Variants in AGK observed in about 807,000 individuals in gnomAD.
AGK encodes the protein acylglycerol kinase, also known as acylglycerol kinase, mitochondrial.
A neutral mutation model predicts 66.4 loss-of-function variants in AGK; 52 were observed. That is an observed-to-expected ratio of 0.78 (90% CI 0.63 to 0.99). The LOEUF is 0.99. AGK is among the 50% of genes least tolerant of loss of function. AGK has a pLI of 0.00. For missense variants in AGK, 451 were observed against 506.6 expected (o/e 0.89, Z 1.05); for synonymous variants, 182 against 181.1 (o/e 1.00, Z -0.04).
In AGK at chr7:141,593,161, G is replaced by A; in HGVS notation, c.117G>A (p.Arg39=). 1 of 1,612,006 alleles carries A rather than the reference G, an allele frequency of 6.2e-7. No homozygotes were observed. The highest frequency in any genetic ancestry group is 8.5e-7 in the Non-Finnish European group (1 of 1,179,636). Residue 39 remains arginine, a synonymous_variant, in exon 3 of 16, where the codon AGG becomes AGA. Transcript: ENST00000649286. ...LYGKHCDNLL[R]RAACQEAQVF... ...ACTTTGATAGTGATAACCTCCTAAG[G>A]AGAGCAGCCTGTCAAGAAGCTCAGG... is the stretch of plus-strand genomic sequence containing the variant.
At chr7:141,561,075 G>A (rs921838067) in intron 2 of AGK, among the ~76,000 whole-genome samples, 5 of 152,198 alleles carry the variant, frequency 3.3e-5, no homozygotes, top group Non-Finnish European at 7.3e-5. Flanking sequence ...TTACAGGCGT[G>A]AGCCACCGCG....
At chr7:141,592,850 C>A (rs903070526) in intron 2 of AGK, among the ~76,000 whole-genome samples, 1 of 151,916 alleles carries the variant, frequency 6.6e-6, no homozygotes, top group Non-Finnish European at 1.5e-5. Flanking sequence ...ATTACAGGCA[C>A]CCACCACCAT....
At chr7:141,569,413 A>C (rs1470844160) in intron 2 of AGK, among the ~76,000 whole-genome samples, 1 of 152,142 alleles carries the variant, frequency 6.6e-6, no homozygotes, top group Non-Finnish European at 1.5e-5. Context: ...GTGCGCCTGT[A>C]GTCCCAGCTA....
chr7:141,600,317 A>G (rs1312460198), intron 4 of AGK, among the ~76,000 whole-genome samples: 4 of 152,106 alleles, frequency 2.6e-5, no homozygotes, highest in Admixed American at 2.0e-4. Flanking sequence ...GGTGGAAGAG[A>G]TTGTTTTGCA....
intron 5 of AGK, among the ~76,000 whole-genome samples, chr7:141,609,568 G>A (rs1209932214): frequency 6.6e-6 from 1 of 152,238 alleles, no homozygotes; most frequent in African/African-American, 2.4e-5. Flanking sequence ...ACACTTCAGT[G>A]TTGAGGTATT....
intron 2 of AGK, among the ~76,000 whole-genome samples, chr7:141,591,920 T>C (rs1274914169): frequency 6.6e-6 from 1 of 152,242 alleles, no homozygotes; most frequent in Non-Finnish European, 1.5e-5. Flanking sequence ...AAATAGGTGA[T>C]CACATTCTGA....
intron 2 of AGK, among the ~76,000 whole-genome samples, chr7:141,592,217 A>G (rs887973830): frequency 4.6e-5 from 7 of 152,188 alleles, no homozygotes; most frequent in Admixed American, 4.6e-4. Flanking sequence ...TAGAGGCCCA[A>G]AGCAGCTCTC....
rs1796265668 is a variant in AGK at position 141,598,048 on chromosome 7, A to ATGTT, written c.221+1408_221+1411dup. 6.6e-6 allele frequency among the ~76,000 whole-genome samples: 1 copy of ATGTT among 152,128 alleles called. No homozygotes were observed. The highest frequency in any genetic ancestry group is 2.1e-4 in the South Asian group (1 of 4,814). ...GGCTGAATTGTAAGTGGTAGGCATA[A>ATGTT]TGTTGTCTGGAGTAAAACACAGGGT... On this transcript the variant is annotated intron_variant, in intron 4 of 15. Coordinates refer to ENST00000649286, the MANE Select transcript of AGK (RefSeq NM_018238.4). The surrounding 1 kb of genome is among the most constrained non-coding windows in gnomAD (Gnocchi z 4.2).
At chr7:141,643,745 A>T (rs1488537598) in intron 13 of AGK, among the ~76,000 whole-genome samples, 1 of 152,188 alleles carries the variant, frequency 6.6e-6, no homozygotes, top group Non-Finnish European at 1.5e-5. Flanking sequence ...TAATCCTTAT[A>T]GGTAGATATC....
chr7:141,595,033 T>A lies in AGK; in HGVS notation c.142-1529T>A, dbSNP rs115990066. Reference sequence around the variant, plus strand: ...ACAAATGGAAGTGGATCTGTCCTTATAGCCTCAGCTGGCTAATTTTCCTAT... The same window carrying A: ...ACAAATGGAAGTGGATCTGTCCTTAAAGCCTCAGCTGGCTAATTTTCCTAT... On this transcript the variant is annotated intron_variant, in intron 3 of 15. Transcript: ENST00000649286. 4.4e-3 allele frequency among the ~76,000 whole-genome samples: 675 copies of A among 152,356 alleles called. 7 individuals carry two copies. The highest frequency in any genetic ancestry group is 0.016 in the African/African-American group (648 of 41,574).
chr7:141,592,317 C>G (rs1326647844), intron 2 of AGK, among the ~76,000 whole-genome samples: 1 of 152,198 alleles, frequency 6.6e-6, no homozygotes, highest in Non-Finnish European at 1.5e-5. Context: ...CTAGAGGCCA[C>G]CACATTCCTT....
chr7:141,646,103 T>C (rs781677971), intron 13 of AGK, among the ~76,000 whole-genome samples: 2 of 152,004 alleles, frequency 1.3e-5, no homozygotes, highest in Non-Finnish European at 1.5e-5. Flanking sequence ...CCTACCTCAG[T>C]TGAGGGGTCT....
chr7:141,595,481 G>C (rs1215678488), intron 3 of AGK, among the ~76,000 whole-genome samples: 3 of 152,058 alleles, frequency 2.0e-5, no homozygotes, highest in African/African-American at 7.2e-5. Flanking sequence ...TTTTGTTTTT[G>C]TTTTTAAAGC....
At chr7:141,644,351 C>T (rs557901325) in intron 13 of AGK, among the ~76,000 whole-genome samples, 14 of 152,232 alleles carry the variant, frequency 9.2e-5, no homozygotes, top group African/African-American at 3.1e-4. Context: ...TAAAAGTATA[C>T]GATACTGTGC....
At chr7:141,651,403 C>A in intron 14 of AGK, 122 bp from the exon 15 acceptor site, 1 of 767,098 alleles carries the variant, frequency 1.3e-6, no homozygotes, top group Non-Finnish European at 2.3e-6. Flanking sequence ...AATTCTATGG[C>A]TTAATAGACC....
intron 6 of AGK, 116 bp from the exon 7 acceptor site, chr7:141,614,030 G>A: frequency 1.4e-6 from 1 of 706,760 alleles, no homozygotes; most frequent in Non-Finnish European, 2.4e-6. Flanking sequence ...TCTTTTAACA[G>A]AGCTTCTAAG....
intron 2 of AGK, among the ~76,000 whole-genome samples, chr7:141,581,370 G>C (rs1343399889): frequency 6.6e-6 from 1 of 151,836 alleles, no homozygotes; most frequent in African/African-American, 2.4e-5. Flanking sequence ...AGAGTATATG[G>C]GTTTGGCACC....
At chr7:141,621,699 T>G (rs1029228849) in intron 8 of AGK, 33 bp from the exon 9 acceptor site, 1 of 1,539,164 alleles carries the variant, frequency 6.5e-7, no homozygotes. Flanking sequence ...TTGCCTATTT[T>G]TCATAATATG....
At chr7:141,647,281 T>C (rs1797435344) in intron 13 of AGK, among the ~76,000 whole-genome samples, 1 of 152,180 alleles carries the variant, frequency 6.6e-6, no homozygotes, top group African/African-American at 2.4e-5. Context: ...TTTCCCTCCT[T>C]AGAACCCTCC....
Sources: gnomAD v4.1 joint callset for allele counts (sites outside exome capture counted in the v4.1 genomes callset) on GRCh38, gnomAD v4.1.1 for gene constraint, Gnocchi (gnomAD v3.1) non-coding constraint, MANE v1.5 for transcripts, NCBI Gene and HGNC (gene_info 2026-07-23, HGNC 2026-07-21) for gene names.